ASMTL: variants seen among roughly 807,000 people sequenced by gnomAD.
The protein encoded by ASMTL is probable bifunctional dTTP/UTP pyrophosphatase/methyltransferase protein.
ASMTL carries 57 observed loss-of-function variants against 60.3 expected under a neutral mutation model. That is an observed-to-expected ratio of 0.95 (90% CI 0.76 to 1.18). The LOEUF is 1.18. ASMTL is among the 50% of genes most tolerant of loss of function. The pLI is 0.00. For missense variants in ASMTL, 981 were observed against 852.6 expected (o/e 1.15, Z -1.88); for synonymous variants, 419 against 373.0 (o/e 1.12, Z -1.42).
At chrX:1,420,771 A>G (rs1399776853) in intron 9 of ASMTL, among the ~76,000 whole-genome samples, 36 of 152,156 alleles carry the variant, frequency 2.4e-4, no homozygotes, top group Non-Finnish European at 3.5e-4. Context: ...CAGGGCATTC[A>G]TTTAAGGCAG....
Position 1,452,885 on chromosome X carries a change from G to GC in ASMTL, c.-46dup, listed in dbSNP as rs746487835. On this transcript the variant is annotated 5_prime_UTR_variant, in exon 1 of 13. Transcript: ENST00000381317. ...GGGCGTCCGCACTTCTGAGCCCGGA[G>GC]CCCGCGGTGCGCGCAGCGCGGCTGC... 8.4e-5 allele frequency: 118 copies of GC among 1,409,422 alleles called. 1 individual carries two copies. In the East Asian group the frequency reaches 1.6e-3, roughly 19 times the overall value. The allele number at this position is 1,409,422 out of a possible 1,614,324, so 87.3% of individuals were successfully genotyped here. A position where few individuals can be genotyped will look rare whatever the true frequency, so the allele number is the denominator to read the frequency against.
intron 9 of ASMTL, 90 bp from the exon 10 acceptor site, chrX:1,419,204 G>C: frequency 6.7e-7 from 1 of 1,491,090 alleles, no homozygotes; most frequent in Non-Finnish European, 9.1e-7. Flanking sequence ...AGAAGTGCAG[G>C]GCTCCAGAGC....
chrX:1,428,309 G>A (rs191792639), intron 6 of ASMTL, 188 bp from the exon 7 acceptor site: 40,959 of 216,126 alleles, frequency 0.19, 5,024 homozygotes, highest in East Asian at 0.47. Flanking sequence ...GGGGGCAGGC[G>A]CCTTTGGCAT....
At chrX:1,413,712 C>A (rs1446472951) in intron 11 of ASMTL, 2 of 152,274 alleles carry the variant, frequency 1.3e-5, no homozygotes, top group African/African-American at 4.8e-5. Flanking sequence ...AAAATGAGAT[C>A]ATCCTGGAGT....
At chrX:1,425,248 G>C (rs1317278147) in intron 8 of ASMTL, among the ~76,000 whole-genome samples, 2 of 152,128 alleles carry the variant, frequency 1.3e-5, no homozygotes, top group Non-Finnish European at 2.9e-5. Context: ...ACACCGTATT[G>C]GGTTCTGTTT....
chrX:1,438,502 C>G (rs1165049294), intron 3 of ASMTL, among the ~76,000 whole-genome samples: 1 of 152,104 alleles, frequency 6.6e-6, no homozygotes, highest in Admixed American at 6.5e-5. Context: ...TTGCTGGCCT[C>G]TAGAACTGCG....
At chrX:1,419,277 CTT>C (rs1259297061) in intron 9 of ASMTL, 163 bp from the exon 10 acceptor site, 3 of 314,840 alleles carry the variant, frequency 9.5e-6, no homozygotes, top group Non-Finnish European at 1.4e-5. Context: ...GTGGGCTACT[CTT>C]GTCTGTGTGG....
At chrX:1,410,796 G>T (rs1351241521) in intron 12 of ASMTL, among the ~76,000 whole-genome samples, 2 of 149,810 alleles carry the variant, frequency 1.3e-5, no homozygotes, top group African/African-American at 4.9e-5. Context: ...AGGCTGAGGT[G>T]GGAGGACAGC....
rs533497088 is a variant in ASMTL at position 1,446,500 on chromosome X, A to ATTT, written c.94-4186_94-4184dup. Reference sequence around the variant, plus strand: ...GGGGCTGGTCCCTACATCTCATGACATTTTTTTTTTTTTTTTTGAGACGGA... The same window carrying ATTT: ...GGGGCTGGTCCCTACATCTCATGACATTTTTTTTTTTTTTTTTTTTGAGACGGA... On this transcript the variant is annotated intron_variant, in intron 1 of 12. Coordinates refer to ENST00000381317, the MANE Select transcript of ASMTL (RefSeq NM_004192.4). 4.1e-3 allele frequency among the ~76,000 whole-genome samples: 534 copies of ATTT among 131,750 alleles called. 15 individuals are homozygous for ATTT. The highest frequency in any genetic ancestry group is 0.014 in the African/African-American group (503 of 34,760). 86.4% of individuals were successfully genotyped at this position (131,750 alleles called of 152,430 possible).
chrX:1,453,424 C>T (rs1263794509), upstream of ASMTL, among the ~76,000 whole-genome samples: 11 of 152,068 alleles, frequency 7.2e-5, no homozygotes, highest in South Asian at 8.3e-4. Context: ...CGTCCCCGCC[C>T]CCGGCGCTCG....
At chrX:1,451,165 T>TC (rs2091369277) in intron 1 of ASMTL, among the ~76,000 whole-genome samples, 2 of 76,942 alleles carry the variant, frequency 2.6e-5, no homozygotes, top group African/African-American at 5.2e-5. Flanking sequence ...CACTCCTCCC[T>TC]CCCCATCCCT....
intron 7 of ASMTL, among the ~76,000 whole-genome samples, chrX:1,426,447 C>A (rs1321165487): frequency 6.6e-6 from 1 of 152,146 alleles, no homozygotes; most frequent in African/African-American, 2.4e-5. Context: ...CTGCACCCGA[C>A]ATCCCCACCT....
chrX:1,414,911 G>C (rs1191575609), intron 11 of ASMTL, among the ~76,000 whole-genome samples: 1 of 151,240 alleles, frequency 6.6e-6, no homozygotes, highest in African/African-American at 2.4e-5. Flanking sequence ...GGATGGTGCT[G>C]AGTTACAGCA....
At chrX:1,404,225 T>C (rs1283369503) in intron 12 of ASMTL, among the ~76,000 whole-genome samples, 6 of 146,898 alleles carry the variant, frequency 4.1e-5, no homozygotes, top group Non-Finnish European at 8.9e-5. Context: ...AGATGGTAGA[T>C]GATGGGTAGG....
intron 12 of ASMTL, among the ~76,000 whole-genome samples, chrX:1,406,170 TGGTAGATGATG>T (rs1402745929): frequency 6.9e-6 from 1 of 144,764 alleles, no homozygotes; most frequent in African/African-American, 2.7e-5. Context: ...GCTGAATAGA[TGGTAGATGATG>T]GGTAGATAGA....
intron 8 of ASMTL, among the ~76,000 whole-genome samples, chrX:1,424,857 C>CCCAT (rs1476062455): frequency 1.1e-5 from 1 of 92,128 alleles, no homozygotes; most frequent in Admixed American, 1.4e-4. Flanking sequence ...TATCCATCCA[C>CCCAT]CCACCCACCC....
chrX:1,416,507 A>G (rs2090273958), intron 11 of ASMTL, among the ~76,000 whole-genome samples: 1 of 151,064 alleles, frequency 6.6e-6, no homozygotes, highest in Admixed American at 6.6e-5. Flanking sequence ...GCACACACAC[A>G]CGGATGCAGA....
chrX:1,407,377 G>T (rs778905785), intron 12 of ASMTL, among the ~76,000 whole-genome samples: 2 of 151,300 alleles, frequency 1.3e-5, no homozygotes, highest in African/African-American at 4.9e-5. Context: ...GTGATGGGCA[G>T]GTAGGTAGAT....
At chrX:1,434,906 C>T (rs767662532) in intron 5 of ASMTL, 116 bp downstream of exon 5, 154 of 1,094,186 alleles carry the variant, frequency 1.4e-4, no homozygotes, top group Admixed American at 1.3e-3. Context: ...TAGGCACAAA[C>T]CCCTCCACAG....
Sources: allele counts gnomAD v4.1 joint callset (sites outside exome capture counted in the v4.1 genomes callset), GRCh38; gene constraint gnomAD v4.1.1; transcripts MANE v1.5; gene names NCBI Gene and HGNC (gene_info 2026-07-23, HGNC 2026-07-21).